Variants in MROH7 observed in about 807,000 individuals in gnomAD.
MROH7 encodes the protein maestro heat like repeat family member 7.
In MROH7, 113 loss-of-function variants were observed where a neutral mutation model predicts 129.2. That is an observed-to-expected ratio of 0.87 (90% CI 0.75 to 1.02). The LOEUF (loss-of-function observed/expected upper bound fraction) is 1.02. Among genes scored for constraint, MROH7 ranks in the 50% least tolerant of loss-of-function variants. The pLI is 0.00. For missense variants in MROH7, 1,601 were observed against 1,671.3 expected, an observed-to-expected ratio of 0.96 and a Z score of 0.73; for synonymous variants, 655 against 667.9, an observed-to-expected ratio of 0.98 and a Z score of 0.30.
chr1:54,669,015 G>A (rs576092299), intron 5 of MROH7, 78 bp downstream of exon 5: 37 of 1,054,292 alleles, frequency 3.5e-5, no homozygotes, highest in Middle Eastern at 4.9e-4. Context: ...TGATGAGACC[G>A]CAGGGGTGGG....
chr1:54,661,822 C>T (rs1655514), intron 3 of MROH7, among the ~76,000 whole-genome samples: 5,905 of 152,172 alleles, frequency 0.039, 376 homozygotes, highest in African/African-American at 0.13. Context: ...TCTTGAACTC[C>T]TGACCTCAGG....
At chr1:54,666,425 ATTTTTTT>A (rs71048704) in intron 4 of MROH7, among the ~76,000 whole-genome samples, 36 of 69,236 alleles carry the variant, frequency 5.2e-4, no homozygotes, top group East Asian at 2.7e-3. Context: ...GAGAAGAGGA[ATTTTTTT>A]TTTTTTTTTT....
rs148501112 is a variant in MROH7, at chr1:54,674,795, C to T, written c.1936+644C>T. 5.7e-3 allele frequency among the ~76,000 whole-genome samples: 872 copies of T among 152,210 alleles called. 11 individuals carry two copies. The highest frequency in any genetic ancestry group is 0.02 in the African/African-American group (822 of 41,526). ...TTGCCTCCTTCCTTTCTCCATCATC[C>T]TAGCTCTGCCCTAAACCAGGGCACC... On this transcript the variant is annotated intron_variant, in intron 10 of 23. Transcript: ENST00000421030.
At chr1:54,674,898 T>C (rs1048174251) in intron 10 of MROH7, among the ~76,000 whole-genome samples, 2 of 152,240 alleles carry the variant, frequency 1.3e-5, no homozygotes, top group Non-Finnish European at 2.9e-5. Context: ...CGCTGCTTAG[T>C]GGTGTGACCT....
In MROH7 at chr1:54,703,449, G is replaced by A. The variant is rs79302312; in HGVS notation, c.3564+704G>A. Among the ~76,000 whole-genome samples, 1,496 of 152,322 alleles carry A rather than the reference G, an allele frequency of 9.8e-3. 20 individuals are homozygous for A. The highest frequency in any genetic ancestry group is 0.034 in the African/African-American group (1,410 of 41,556). ...AAGACAAGTAAGTTTGGGAAATACTGCACTGACATTCTCCTCTTGGAGATT... is the reference window on the plus strand; with the variant it reads ...AAGACAAGTAAGTTTGGGAAATACTACACTGACATTCTCCTCTTGGAGATT... On this transcript the variant is annotated intron_variant, in intron 21 of 23. Coordinates refer to ENST00000421030, the MANE Select transcript of MROH7 (RefSeq NM_001039464.4). This position sits in a 1 kb window ranked among gnomAD's most constrained non-coding sequence, Gnocchi z 4.4.
intron 1 of MROH7, among the ~76,000 whole-genome samples, chr1:54,647,568 C>T (rs6687281): frequency 0.26 from 39,762 of 151,796 alleles, 5,410 homozygotes; most frequent in South Asian, 0.43. Flanking sequence ...GATGAAACCC[C>T]GTCGCTACTA....
At chr1:54,666,494 G>C (rs2101097054) in intron 4 of MROH7, among the ~76,000 whole-genome samples, 1 of 145,826 alleles carries the variant, frequency 6.9e-6, no homozygotes, top group Non-Finnish European at 1.5e-5. Context: ...GAGTGCGGTG[G>C]TGCAATCTTG....
At chr1:54,651,515 G>A (rs1644554899) in intron 1 of MROH7, 1 of 152,422 alleles carries the variant, frequency 6.6e-6, no homozygotes. Flanking sequence ...TGCCTCTTTG[G>A]AGGAAGTCAA....
At chr1:54,645,658 T>TC (rs202060590) in intron 1 of MROH7, among the ~76,000 whole-genome samples, 14,318 of 145,134 alleles carry the variant, frequency 0.099, 805 homozygotes, top group East Asian at 0.24. Flanking sequence ...TTTCTTTCTT[T>TC]TTTTTTTTTT....
rs778041950 is a variant in MROH7, at chr1:54,703,162, C to T, written c.3564+417C>T. Among the ~76,000 whole-genome samples the T allele has an allele frequency of 6.6e-6, 1 of 152,144 alleles. No homozygotes were observed. The highest frequency in any genetic ancestry group is 2.4e-5 in the African/African-American group (1 of 41,426). On this transcript the variant is annotated intron_variant, in intron 21 of 23. Transcript: ENST00000421030. This position sits in a 1 kb window ranked among gnomAD's most constrained non-coding sequence, Gnocchi z 4.4. ...CCTCCCCACCCTGCTGCCATCGTTG[C>T]CCTTAATTCAGGGCACCGACACCCC...
At chr1:54,679,631 C>T (rs1645036966) in intron 12 of MROH7, among the ~76,000 whole-genome samples, 192 bp downstream of exon 12, 1 of 152,176 alleles carries the variant, frequency 6.6e-6, no homozygotes, top group Non-Finnish European at 1.5e-5. Flanking sequence ...CTCTTACCAC[C>T]CCTGAAGGAG....
At position 54,709,073 on chromosome 1, in the gene MROH7, G is replaced by A. The variant is rs368891569; in HGVS notation, c.3727G>A (p.Ala1243Thr). 20 of 1,614,070 alleles carry A rather than the reference G, an allele frequency of 1.2e-5. No individual in the cohort carries two copies. The African/African-American group carries it at 2.5e-4, about 20-fold the overall frequency. Residue 1243 changes from alanine (A) to threonine (T), a missense_variant, in exon 23 of 24, where the codon GCT (alanine) becomes ACT (threonine). By Grantham distance (58) the Ala-to-Thr change is moderately conservative. Transcript: ENST00000421030. ...AGAAGATCGTCTGAATGAAGTGAAA[G>A]CTGGTAAGTCATGCCCCGCATTGGT... is the stretch of plus-strand genomic sequence containing the variant. Reference protein sequence around the residue: ...MTEDRLNEVKAALDNLRHDPE... With the variant: ...MTEDRLNEVKTALDNLRHDPE...
intron 4 of MROH7, among the ~76,000 whole-genome samples, chr1:54,668,338 A>G (rs1475408320): frequency 6.6e-6 from 1 of 152,202 alleles, no homozygotes; most frequent in Non-Finnish European, 1.5e-5. Context: ...ACCTCATCAA[A>G]TTAACTTGTA....
Position 54,673,764 on chromosome 1 carries a change from G to A in MROH7, c.1759G>A (p.Val587Ile). The A allele has an allele frequency of 6.2e-7, 1 of 1,614,180 alleles. No homozygotes were observed. The highest frequency in any genetic ancestry group is 8.5e-7 in the Non-Finnish European group (1 of 1,180,034). ...HERARAVNTN[V>I]SVLNHMLLTL... Reference sequence around the variant, plus strand: ...GCGAGCACGGGCTGTGAACACCAATGTCTCTGTGTTGAACCACATGCTTCT... The same window carrying A: ...GCGAGCACGGGCTGTGAACACCAATATCTCTGTGTTGAACCACATGCTTCT... The change falls in exon 9 of 24, where the codon GTC (valine) becomes ATC (isoleucine). Residue 587 changes from valine (V) to isoleucine (I), a missense_variant. Physicochemically the swap from Val to Ile is conservative, Grantham distance 29 (BLOSUM62 3). Transcript: ENST00000421030.
chr1:54,649,201 C>T (rs541079174), intron 1 of MROH7, among the ~76,000 whole-genome samples: 7 of 152,202 alleles, frequency 4.6e-5, no homozygotes, highest in Non-Finnish European at 8.8e-5. Flanking sequence ...AACCCTTGTC[C>T]AGGGCCTGGA....
intron 4 of MROH7, among the ~76,000 whole-genome samples, chr1:54,666,440 T>TTC (rs1553171091): frequency 3.9e-4 from 55 of 140,650 alleles, no homozygotes; most frequent in South Asian, 1.2e-3. Flanking sequence ...TTTTTTTTTT[T>TTC]TTTTTTTTTT....
intron 17 of MROH7, chr1:54,697,807 G>A (rs1380984071): frequency 8.4e-6 from 5 of 593,434 alleles, no homozygotes; most frequent in Admixed American, 2.6e-5. Flanking sequence ...GCACTTCTAA[G>A]TCTGTTAGTG....
At chr1:54,689,489 C>G (rs537449421) in intron 15 of MROH7, among the ~76,000 whole-genome samples, 1 of 152,186 alleles carries the variant, frequency 6.6e-6, no homozygotes, top group Non-Finnish European at 1.5e-5. Context: ...GCAAATTGTC[C>G]GTGCTCCAGA....
At chr1:54,664,952 C>T (rs139958127) in intron 3 of MROH7, among the ~76,000 whole-genome samples, 3,073 of 152,138 alleles carry the variant, frequency 0.02, 35 homozygotes, top group South Asian at 0.038. Context: ...TTGAAGTTTG[C>T]AGTGAGCCGA....
Sources: allele counts gnomAD v4.1 joint callset (sites outside exome capture counted in the v4.1 genomes callset), GRCh38; gene constraint gnomAD v4.1.1; non-coding constraint Gnocchi (gnomAD v3.1); transcripts MANE v1.5; gene names NCBI Gene and HGNC (gene_info 2026-07-23, HGNC 2026-07-21).